Variants in LRRC4C observed in about 807,000 individuals in gnomAD.
LRRC4C encodes leucine rich repeat containing 4C, also known as leucine-rich repeat-containing protein 4C.
Under a neutral mutation model 33.6 loss-of-function variants are expected in LRRC4C, and 5 were observed. The observed-to-expected ratio is 0.15, with a 90% CI of 0.08 to 0.31. The LOEUF (loss-of-function observed/expected upper bound fraction) is 0.31. Among genes scored for constraint, LRRC4C ranks in the 10% least tolerant of loss-of-function variants. The pLI, the probability that LRRC4C is intolerant of heterozygous loss-of-function variation, is 1.00. For missense variants in LRRC4C, 560 were observed against 796.7 expected (o/e 0.70, Z 3.58); for synonymous variants, 329 against 302.0 (o/e 1.09, Z -0.93).
intron 3 of LRRC4C, among the ~76,000 whole-genome samples, chr11:40,435,692 T>C (rs1951112832): frequency 6.6e-6 from 1 of 152,082 alleles, no homozygotes; most frequent in Non-Finnish European, 1.5e-5. Context: ...GAAAAACAGA[T>C]TGGAGGGGCA....
rs942517371 is a variant in LRRC4C, at chr11:40,223,642, T to C, written c.-96+17877A>G. ...GAATGTTTCAAAATTGCCTTTCTCATTTGTGTTACTGGACAATCATTAGTG... is the reference window on the plus strand; with the variant it reads ...GAATGTTTCAAAATTGCCTTTCTCACTTGTGTTACTGGACAATCATTAGTG... On this transcript the variant is annotated intron_variant, in intron 5 of 6. Transcript: ENST00000528697. 2.0e-5 allele frequency among the ~76,000 whole-genome samples: 3 copies of C among 152,288 alleles called. 1 individual carries two copies. The South Asian group carries it at 6.2e-4, about 32-fold the overall frequency.
At chr11:41,403,110 G>T (rs1478615821) in intron 1 of LRRC4C, among the ~76,000 whole-genome samples, 1 of 152,024 alleles carries the variant, frequency 6.6e-6, no homozygotes, top group Admixed American at 6.6e-5. Context: ...TGGTGAGGAG[G>T]TTCACTTAAG....
chr11:40,948,937 T>C (rs375999447), intron 1 of LRRC4C, among the ~76,000 whole-genome samples: 123 of 151,460 alleles, frequency 8.1e-4, no homozygotes, highest in African/African-American at 2.8e-3. Flanking sequence ...CCTGAGGAAT[T>C]GCCACACTGA....
At chr11:40,868,999 G>T (rs1476078800) in intron 2 of LRRC4C, among the ~76,000 whole-genome samples, 1 of 152,044 alleles carries the variant, frequency 6.6e-6, no homozygotes, top group Non-Finnish European at 1.5e-5. Flanking sequence ...ACATTAGGAT[G>T]ACCCTTAATA....
chr11:41,351,677 G>T (rs944261714), intron 1 of LRRC4C, among the ~76,000 whole-genome samples: 1 of 152,100 alleles, frequency 6.6e-6, no homozygotes, highest in Non-Finnish European at 1.5e-5. Flanking sequence ...AAAAGAGATT[G>T]GGGGCCTATA....
chr11:40,842,349 G>T (rs1952950059), intron 2 of LRRC4C, among the ~76,000 whole-genome samples: 1 of 152,046 alleles, frequency 6.6e-6, no homozygotes, highest in African/African-American at 2.4e-5. Context: ...AGCAGAGAAG[G>T]CCCAGTGATC....
intron 1 of LRRC4C, among the ~76,000 whole-genome samples, chr11:41,242,530 T>G (rs760705203): frequency 5.9e-5 from 9 of 152,142 alleles, no homozygotes; most frequent in East Asian, 1.9e-4. Flanking sequence ...AGATATCCTG[T>G]GCATTTACTC....
intron 3 of LRRC4C, among the ~76,000 whole-genome samples, chr11:40,376,570 C>T (rs1948668299): frequency 6.6e-6 from 1 of 152,132 alleles, no homozygotes; most frequent in Admixed American, 6.6e-5. Context: ...AGAGATTAAA[C>T]AGCTTTACAG....
chr11:40,936,957 C>T (rs143815418), intron 1 of LRRC4C, among the ~76,000 whole-genome samples: 155 of 152,186 alleles, frequency 1.0e-3, no homozygotes, highest in Middle Eastern at 3.4e-3. Flanking sequence ...GTTTGGGGAA[C>T]ATCTGGAAGA....
At chr11:41,296,110 C>T (rs1245846401) in intron 1 of LRRC4C, among the ~76,000 whole-genome samples, 2 of 152,148 alleles carry the variant, frequency 1.3e-5, no homozygotes, top group Non-Finnish European at 2.9e-5. Flanking sequence ...ATATTTCCTA[C>T]ATTATATTTT....
chr11:41,413,187 A>G (rs1190874647), intron 1 of LRRC4C, among the ~76,000 whole-genome samples: 1 of 152,192 alleles, frequency 6.6e-6, no homozygotes, highest in Non-Finnish European at 1.5e-5. Flanking sequence ...TGTTCATACA[A>G]GGAATGGAAA....
chr11:40,936,063 T>TATATAA (rs1957881631), intron 1 of LRRC4C, among the ~76,000 whole-genome samples: 5 of 92,774 alleles, frequency 5.4e-5, no homozygotes, highest in African/African-American at 7.9e-5. Context: ...TATATATATA[T>TATATAA]ATAACATAGT....
intron 3 of LRRC4C, among the ~76,000 whole-genome samples, chr11:40,582,241 A>G (rs1958500805): frequency 6.6e-6 from 1 of 152,184 alleles, no homozygotes; most frequent in Non-Finnish European, 1.5e-5. Flanking sequence ...CCACTTTCAG[A>G]CTGATTTTTA....
chr11:40,833,194 A>C (rs1952496909), intron 2 of LRRC4C, among the ~76,000 whole-genome samples: 1 of 152,148 alleles, frequency 6.6e-6, no homozygotes, highest in South Asian at 2.1e-4. Flanking sequence ...CTCTGACTCA[A>C]AATTTTTCTC....
intron 1 of LRRC4C, among the ~76,000 whole-genome samples, chr11:41,229,029 T>C (rs1056355283): frequency 6.6e-6 from 1 of 152,166 alleles, no homozygotes; most frequent in African/African-American, 2.4e-5. Flanking sequence ...AATTCTCCTA[T>C]TTGTTGCATT....
intron 5 of LRRC4C, among the ~76,000 whole-genome samples, chr11:40,148,043 C>T (rs927133330): frequency 6.6e-6 from 1 of 152,114 alleles, no homozygotes; most frequent in African/African-American, 2.4e-5. Flanking sequence ...CGGCCTCCAG[C>T]TTCATCCATG....
chr11:40,426,021 T>TC (rs1298315471), intron 3 of LRRC4C, among the ~76,000 whole-genome samples: 1 of 151,108 alleles, frequency 6.6e-6, no homozygotes, highest in East Asian at 1.9e-4. Context: ...CATTTTTTTT[T>TC]TTTTTTTTTT....
At chr11:40,615,937 T>C (rs1330885853) in intron 3 of LRRC4C, among the ~76,000 whole-genome samples, 1 of 151,826 alleles carries the variant, frequency 6.6e-6, no homozygotes, top group African/African-American at 2.4e-5. Context: ...AATTCTGTTT[T>C]ACATATAGAT....
intron 2 of LRRC4C, among the ~76,000 whole-genome samples, chr11:40,831,053 A>G (rs1487178201): frequency 6.6e-6 from 1 of 152,138 alleles, no homozygotes; most frequent in Admixed American, 6.6e-5. Context: ...GTTGTTATCT[A>G]GAGGTCAGAT....
Sources: gnomAD v4.1 joint callset for allele counts (sites outside exome capture counted in the v4.1 genomes callset) on GRCh38, gnomAD v4.1.1 for gene constraint, MANE v1.5 for transcripts, NCBI Gene and HGNC (gene_info 2026-07-23, HGNC 2026-07-21) for gene names.